The following BAG4 variants were observed in gnomAD, a reference collection of about 807,000 sequenced individuals.
The protein encoded by BAG4 is BAG cochaperone 4.
A neutral mutation model predicts 52.1 loss-of-function variants in BAG4; 28 were observed. The ratio of observed to expected loss-of-function variants is 0.54; its 90% CI spans 0.40 to 0.74. BAG4 has a LOEUF of 0.74. Ranked by LOEUF, BAG4 falls within the 30% of genes least tolerant of loss-of-function variation. The probability of loss-of-function intolerance (pLI) is 0.00; values close to 1 mark genes in which losing one functional copy is unlikely to be tolerated. For missense variants in BAG4, 525 were observed against 572.0 expected (o/e 0.92, Z 0.84); for synonymous variants, 208 against 217.0 (o/e 0.96, Z 0.37).
intron 1 of BAG4, among the ~76,000 whole-genome samples, chr8:38,186,595 A>C (rs904519369): frequency 2.0e-5 from 3 of 152,164 alleles, no homozygotes; most frequent in Admixed American, 6.5e-5. Flanking sequence ...GGAAAAGAAG[A>C]AGCTAGGAGG....
At chr8:38,194,572 T>G (rs1231400000) in intron 2 of BAG4, among the ~76,000 whole-genome samples, 1 of 149,990 alleles carries the variant, frequency 6.7e-6, no homozygotes, top group East Asian at 2.0e-4. Flanking sequence ...TCTGCCACCA[T>G]GCCCGGCTAA....
intron 2 of BAG4, among the ~76,000 whole-genome samples, chr8:38,207,050 T>G (rs544537871): frequency 6.6e-6 from 1 of 151,672 alleles, no homozygotes; most frequent in Admixed American, 6.6e-5. Context: ...CCTCCTGGGT[T>G]CAAGCGATTC....
At chr8:38,195,999 A>G (rs552751739) in intron 2 of BAG4, among the ~76,000 whole-genome samples, 1 of 152,308 alleles carries the variant, frequency 6.6e-6, no homozygotes, top group Non-Finnish European at 1.5e-5. Context: ...GGAATCATAC[A>G]GTATGTGGCA....
chr8:38,196,603 A>C (rs1451254935), intron 2 of BAG4, among the ~76,000 whole-genome samples: 1 of 151,584 alleles, frequency 6.6e-6, no homozygotes, highest in East Asian at 1.9e-4. Context: ...GTGAGCTGAG[A>C]TTGTGCCACT....
intron 1 of BAG4, among the ~76,000 whole-genome samples, chr8:38,183,723 G>A (rs893806354): frequency 4.0e-5 from 6 of 151,210 alleles, no homozygotes; most frequent in African/African-American, 1.2e-4. Context: ...GGTTCTCACT[G>A]TATTCCCCAG....
chr8:38,207,293 G>A (rs1381796573), intron 2 of BAG4, among the ~76,000 whole-genome samples: 1 of 151,808 alleles, frequency 6.6e-6, no homozygotes, highest in Non-Finnish European at 1.5e-5. Flanking sequence ...GTAGAAACAG[G>A]GTCTCACTAT....
At chr8:38,195,085 A>G (rs1191779949) in intron 2 of BAG4, among the ~76,000 whole-genome samples, 1 of 151,138 alleles carries the variant, frequency 6.6e-6, no homozygotes, top group Non-Finnish European at 1.5e-5. Context: ...TGATCTCCTG[A>G]CCTCGTGATC....
chr8:38,209,301 G>A, intron 4 of BAG4, 34 bp downstream of exon 4: 1 of 1,612,940 alleles, frequency 6.2e-7, no homozygotes, highest in Non-Finnish European at 8.5e-7. Flanking sequence ...TTTAATGTGT[G>A]TGTAATTAGG....
intron 1 of BAG4, 110 bp downstream of exon 1, chr8:38,177,249 C>CG (rs752775173): frequency 8.5e-5 from 122 of 1,436,802 alleles, no homozygotes; most frequent in Non-Finnish European, 9.9e-5. Flanking sequence ...GGGTGTGTTG[C>CG]GGGGGGTGTT....
chr8:38,194,932 G>A (rs1367133815), intron 2 of BAG4, among the ~76,000 whole-genome samples: 13 of 138,580 alleles, frequency 9.4e-5, no homozygotes, highest in Non-Finnish European at 1.7e-4. Flanking sequence ...TCGGCTCACT[G>A]CAAGCTCTGC....
chr8:38,195,947 CTTT>C (rs941370452), intron 2 of BAG4, among the ~76,000 whole-genome samples: 2 of 152,166 alleles, frequency 1.3e-5, no homozygotes, highest in African/African-American at 2.4e-5. Context: ...CTGTAATCTA[CTTT>C]TTTATCTCTC....
intron 2 of BAG4, chr8:38,201,853 TATATATATATATATATATATA>T (rs1803670362): frequency 6.2e-4 from 4 of 6,460 alleles, no homozygotes; most frequent in African/African-American, 1.5e-3. Flanking sequence ...TATATATATA[TATATATATATATATATATATA>T]TATATATTTT....
chr8:38,213,162 ATACTGACT>A lies in BAG4; in HGVS notation c.*2671_*2678del, dbSNP rs1455956279. 6.6e-6 allele frequency: 1 copy of A among 152,234 alleles called. No homozygotes were observed. The highest frequency in any genetic ancestry group is 2.4e-5 in the African/African-American group (1 of 41,470). 9.4% of individuals were successfully genotyped at this position (152,234 alleles called of 1,614,324 possible). A position where few individuals can be genotyped will look rare whatever the true frequency, so the allele number is the denominator to read the frequency against. On this transcript the variant is annotated 3_prime_UTR_variant, in exon 5 of 5. Coordinates refer to ENST00000287322, the MANE Select transcript of BAG4 (RefSeq NM_004874.4). Reference sequence around the variant, plus strand: ...TAGAATTGGTTCAACTTTTGACTTAATACTGACTTTGGACTGAATTCAAAGTTTTCTTG... The same window carrying A: ...TAGAATTGGTTCAACTTTTGACTTAATTGGACTGAATTCAAAGTTTTCTTG...
intron 4 of BAG4, 144 bp from the exon 5 acceptor site, chr8:38,209,856 TGCAAATGA>T: frequency 4.5e-6 from 5 of 1,104,992 alleles, no homozygotes; most frequent in Non-Finnish European, 1.3e-6. Flanking sequence ...TGTGTTTTTT[TGCAAATGA>T]TTAAGGAGAG....
chr8:38,200,859 A>G (rs1031851138), intron 2 of BAG4, among the ~76,000 whole-genome samples: 1 of 152,142 alleles, frequency 6.6e-6, no homozygotes, highest in African/African-American at 2.4e-5. Flanking sequence ...TGGCCTCCCA[A>G]AGTGCTGGGA....
At chr8:38,181,228 CT>C (rs568888187) in intron 1 of BAG4, among the ~76,000 whole-genome samples, 41 of 142,856 alleles carry the variant, frequency 2.9e-4, no homozygotes, top group Admixed American at 7.2e-4. Context: ...CGCGCCCAGC[CT>C]TTTTTTTTTT....
At chr8:38,190,672 G>C (rs1487657116) in intron 1 of BAG4, among the ~76,000 whole-genome samples, 1 of 149,070 alleles carries the variant, frequency 6.7e-6, no homozygotes, top group Non-Finnish European at 1.5e-5. Flanking sequence ...CCTGGTCTCT[G>C]GCCCCAAGCA....
intron 2 of BAG4, 56 bp downstream of exon 2, chr8:38,192,851 T>C: frequency 1.5e-6 from 2 of 1,372,750 alleles, no homozygotes; most frequent in South Asian, 2.6e-5. Context: ...AGATTTATTT[T>C]CAAAACCTGT....
At chr8:38,192,587 A>G (rs557929547) in intron 1 of BAG4, 101 bp from the exon 2 acceptor site, 12 of 938,602 alleles carry the variant, frequency 1.3e-5, no homozygotes, top group Admixed American at 8.7e-5. Context: ...CTTTTTGTCT[A>G]TTGCTTTTTT....
Sources: gnomAD v4.1 joint callset for allele counts (sites outside exome capture counted in the v4.1 genomes callset) on GRCh38, gnomAD v4.1.1 for gene constraint, MANE v1.5 for transcripts, NCBI Gene and HGNC (gene_info 2026-07-23, HGNC 2026-07-21) for gene names.